The following BNC2 variants were observed in gnomAD, a reference collection of about 807,000 sequenced individuals.
The protein encoded by BNC2 is zinc finger protein basonuclin-2.
A neutral mutation model predicts 76.3 loss-of-function variants in BNC2; 20 were observed. The ratio of observed to expected loss-of-function variants is 0.26; its 90% confidence interval spans 0.18 to 0.38. The LOEUF (loss-of-function observed/expected upper bound fraction) is 0.38, where lower values mean the gene tolerates loss of function less well. Ranked by LOEUF, BNC2 falls within the 10% of genes least tolerant of loss-of-function variation. The pLI is 1.00. For missense variants in BNC2, 1,382 were observed against 1,399.8 expected (o/e 0.99, Z 0.20); for synonymous variants, 582 against 514.8 (o/e 1.13, Z -1.77).
At chr9:16,705,124 G>C (rs921236511) in intron 3 of BNC2, 6 of 151,962 alleles carry the variant, frequency 3.9e-5, no homozygotes, top group African/African-American at 1.5e-4. Context: ...TAGTTCCTGA[G>C]TCTCTAAGTC....
Position 16,537,313 on chromosome 9 carries a change from C to G in BNC2, c.669+15217G>C, listed in dbSNP as rs1050136168. The stretch of plus-strand genomic sequence containing the variant: ...ATGAGTACATACGGTTTCCTTGAAT[C>G]GCACTCGAAACACTATAGTATTATT... On this transcript the variant is annotated intron_variant, in intron 5 of 6. Transcript: ENST00000380672. 2.0e-5 allele frequency among the ~76,000 whole-genome samples: 3 copies of G among 152,146 alleles called. No individual in the cohort carries two copies. In the East Asian group the frequency reaches 5.8e-4, roughly 29 times the overall value.
At chr9:16,536,792 T>G (rs1818143254) in intron 5 of BNC2, among the ~76,000 whole-genome samples, 1 of 152,144 alleles carries the variant, frequency 6.6e-6, no homozygotes. Flanking sequence ...TAAGAGAAAA[T>G]TATGGGAACA....
intron 3 of BNC2, among the ~76,000 whole-genome samples, chr9:16,694,078 A>G (rs567343835): frequency 1.3e-5 from 2 of 152,272 alleles, no homozygotes; most frequent in South Asian, 2.1e-4. Flanking sequence ...TTTTTTTAGA[A>G]AAGAGTTTAC....
At chr9:16,527,170 A>G (rs1269734576) in intron 5 of BNC2, among the ~76,000 whole-genome samples, 3 of 152,212 alleles carry the variant, frequency 2.0e-5, no homozygotes, top group Non-Finnish European at 4.4e-5. Flanking sequence ...CATGATAGCT[A>G]CTGGCTTCTC....
intron 3 of BNC2, among the ~76,000 whole-genome samples, chr9:16,696,132 C>T (rs967510204): frequency 6.6e-6 from 1 of 152,110 alleles, no homozygotes; most frequent in African/African-American, 2.4e-5. Context: ...AGCAATAATC[C>T]TGACTTTATC....
chr9:16,815,521 C>T (rs1818161880), intron 1 of BNC2, among the ~76,000 whole-genome samples: 1 of 152,132 alleles, frequency 6.6e-6, no homozygotes, highest in Non-Finnish European at 1.5e-5. Context: ...GATGCAGAAT[C>T]CCTAAGATCT....
intron 4 of BNC2, among the ~76,000 whole-genome samples, chr9:16,581,925 T>C (rs1304890814): frequency 2.6e-5 from 4 of 152,102 alleles, no homozygotes; most frequent in Non-Finnish European, 5.9e-5. Flanking sequence ...GTACTCTCTC[T>C]CACAGAAACA....
At position 16,708,856 on chromosome 9, in the gene BNC2, A is replaced by G. The variant is rs1363342648; in HGVS notation, c.330+18941T>C. 2.0e-5 allele frequency among the ~76,000 whole-genome samples: 3 copies of G among 152,172 alleles called. No individual in the cohort carries two copies. The East Asian group carries it at 5.8e-4, about 29-fold the overall frequency. ...GCTGATTCAGCGCTTTAACAAATCAATGCCACTAGAAAAGCACAATGTGAG... is the reference window on the plus strand; with the variant it reads ...GCTGATTCAGCGCTTTAACAAATCAGTGCCACTAGAAAAGCACAATGTGAG... On this transcript the variant is annotated intron_variant, in intron 3 of 6. Transcript: ENST00000380672.
chr9:16,419,192 C>T lies in BNC2; in HGVS notation c.3097G>A (p.Gly1033Ser). 6.2e-7 allele frequency: 1 copy of T among 1,614,192 alleles called. No individual in the cohort carries two copies. Among genetic ancestry groups the T allele is most frequent in the African/African-American group, 1.3e-5 (1 of 75,054 alleles). Residue 1033 changes from glycine (G) to serine (S), a missense_variant, in exon 7 of 7, where the codon GGT (glycine) becomes AGT (serine). Transcript: ENST00000380672. ...TGGCAAATGTTGCACATGATCCCAC[C>T]ATTGCTCCCAGACAAGCTGCTGAAC... ...LMFSSLSGSN[G>S]GIMCNICHKM...
At chr9:16,601,454 G>C (rs1820241678) in intron 3 of BNC2, among the ~76,000 whole-genome samples, 1 of 152,196 alleles carries the variant, frequency 6.6e-6, no homozygotes, top group African/African-American at 2.4e-5. Context: ...GGGGTAAAGG[G>C]AAATCCCAAA....
At chr9:16,575,292 T>A (rs756856601) in intron 4 of BNC2, 1 of 985,456 alleles carries the variant, frequency 1.0e-6, no homozygotes, top group Non-Finnish European at 1.2e-6. Flanking sequence ...GATACAGCTC[T>A]GTGTGTTTCA....
intron 3 of BNC2, among the ~76,000 whole-genome samples, chr9:16,592,065 T>G (rs548134662): frequency 8.6e-5 from 13 of 151,912 alleles, no homozygotes; most frequent in African/African-American, 1.2e-4. Context: ...GCAGGCAACA[T>G]GGTAAAAGAC....
At chr9:16,498,758 C>G (rs7035706) in intron 5 of BNC2, among the ~76,000 whole-genome samples, 46,918 of 151,760 alleles carry the variant, frequency 0.31, 10,401 homozygotes, top group African/African-American at 0.63. Context: ...TATGATGCCT[C>G]ATATTGGGAA....
In BNC2 at chr9:16,738,457, T is replaced by C. The variant is rs1267527651; in HGVS notation, c.32A>G (p.His11Arg). 3 of 1,614,084 alleles carry C rather than the reference T, an allele frequency of 1.9e-6. No homozygotes were observed. Among genetic ancestry groups the C allele is most frequent in the South Asian group, 1.1e-5 (1 of 91,070 alleles). MAHLGPTPPP[H>R]SLNYKSEDRL... is the part of the protein sequence containing the mutation. ...GTCCTCTGATTTGTAATTAAGGCTA[T>C]GTGGAGGTGGGGTGGGCCCAAGGTG... The change falls in exon 2 of 7, where the codon CAT becomes CGT. Residue 11 changes from histidine (H) to arginine (R), a missense_variant. His to Arg is a conservative substitution (Grantham distance 29). This residue lies in a region of BNC2 where 557 missense variants were observed against 540.9 expected (regional missense o/e 1.03). Transcript: ENST00000380672.
At chr9:16,691,169 T>G (rs186175786) in intron 3 of BNC2, among the ~76,000 whole-genome samples, 21 of 152,320 alleles carry the variant, frequency 1.4e-4, no homozygotes, top group African/African-American at 5.1e-4. Context: ...ATAGAATCTT[T>G]CTTCCAGAGT....
intron 1 of BNC2, among the ~76,000 whole-genome samples, chr9:16,822,935 T>C (rs1480297365): frequency 6.6e-6 from 1 of 152,180 alleles, no homozygotes; most frequent in African/African-American, 2.4e-5. Context: ...TTAATATTAT[T>C]TAGGAAGTGC....
intron 3 of BNC2, among the ~76,000 whole-genome samples, chr9:16,722,163 T>C (rs1824176656): frequency 1.3e-5 from 2 of 152,214 alleles, no homozygotes; most frequent in Non-Finnish European, 2.9e-5. Flanking sequence ...ACTGTTCCTT[T>C]GGAATCAGCT....
intron 5 of BNC2, among the ~76,000 whole-genome samples, chr9:16,488,628 C>T (rs77894713): frequency 0.024 from 3,661 of 152,200 alleles, 145 homozygotes; most frequent in African/African-American, 0.083. Context: ...AGATTAAGTA[C>T]TGCCTTATAT....
intron 1 of BNC2, among the ~76,000 whole-genome samples, chr9:16,793,742 T>C (rs1216699394): frequency 2.1e-5 from 3 of 142,264 alleles, no homozygotes; most frequent in African/African-American, 7.7e-5. Context: ...CTGGGCTCAT[T>C]GCAAGCTCCG....
Sources: allele counts gnomAD v4.1 joint callset (sites outside exome capture counted in the v4.1 genomes callset), GRCh38; gene constraint gnomAD v4.1.1; regional missense constraint gnomAD v4.1.1; transcripts MANE v1.5; gene names NCBI Gene and HGNC (gene_info 2026-07-23, HGNC 2026-07-21).